The following SIGLEC5 variants were observed in gnomAD, a reference collection of about 807,000 sequenced individuals.
The protein encoded by SIGLEC5 is sialic acid-binding Ig-like lectin 5.
In SIGLEC5, 34 loss-of-function variants were observed where a neutral mutation model predicts 45.9. The observed-to-expected ratio is 0.74, with a 90% confidence interval of 0.56 to 0.99. The LOEUF is 0.99. Among genes scored for constraint, SIGLEC5 ranks in the 50% least tolerant of loss-of-function variants. The pLI, the probability that SIGLEC5 is intolerant of heterozygous loss-of-function variation, is 0.00. For synonymous variants in SIGLEC5, 203 were observed against 258.6 expected (o/e 0.79, Z 2.06); for missense variants, 508 against 629.6 (o/e 0.81, Z 2.07).
At chr19:51,612,924 G>A (rs1405466833) in intron 8 of SIGLEC5, among the ~76,000 whole-genome samples, 1 of 152,154 alleles carries the variant, frequency 6.6e-6, no homozygotes, top group African/African-American at 2.4e-5. Flanking sequence ...ATGAGCACTT[G>A]CGTCCTGGTC....
In SIGLEC5 at chr19:51,612,191, C is replaced by T; in HGVS notation, c.*40G>A. 1 of 1,510,142 alleles carries T rather than the reference C, an allele frequency of 6.6e-7. No individual in the cohort carries two copies. The highest frequency in any genetic ancestry group is 8.9e-7 in the Non-Finnish European group (1 of 1,118,554). 93.5% of individuals were successfully genotyped at this position (1,510,142 alleles called of 1,614,324 possible). On this transcript the variant is annotated 3_prime_UTR_variant, in exon 9 of 9. Transcript: ENST00000683636. ...TGACTTGTCCTTTCCCCCAGACAGG[C>T]TGTGGCTCCTCCAGCCAGGACTGAA... is the stretch of plus-strand genomic sequence containing the variant.
intron 8 of SIGLEC5, among the ~76,000 whole-genome samples, chr19:51,617,128 G>A (rs564781721): frequency 4.2e-4 from 63 of 150,926 alleles, no homozygotes; most frequent in Non-Finnish European, 7.2e-4. Flanking sequence ...GGTGGCGGGC[G>A]CCTGTAGTCC....
Position 51,629,075 on chromosome 19 carries a change from A to G in SIGLEC5, c.702T>C (p.Tyr234=). ...TGAAGATGGTGATGGTCTGTGGAGC[A>G]TCTGGGATAAAAAGATATAAACTTG... ...TERTVQLNVS[Y]APQTITIFRN... is the part of the protein sequence containing the mutation. The change falls in exon 4 of 9, where the codon TAT becomes TAC. Residue 234 remains tyrosine (Y), a splice_region_variant and synonymous_variant. Transcript: ENST00000683636. The G allele has an allele frequency of 2.5e-6, 4 of 1,613,928 alleles. No individual in the cohort carries two copies. Among genetic ancestry groups the G allele is most frequent in the Non-Finnish European group, 3.4e-6 (4 of 1,179,906 alleles).
At chr19:51,625,892 C>A in intron 8 of SIGLEC5, 140 bp downstream of exon 8, 1 of 676,672 alleles carries the variant, frequency 1.5e-6, no homozygotes, top group Non-Finnish European at 2.6e-6. Context: ...GATTTCCTGG[C>A]TCTGGGATAT....
At chr19:51,622,822 AT>A (rs1041130865) in intron 8 of SIGLEC5, among the ~76,000 whole-genome samples, 13 of 151,806 alleles carry the variant, frequency 8.6e-5, no homozygotes, top group African/African-American at 3.1e-4. Context: ...CATCAGTTCA[AT>A]TTTTTTTTAT....
chr19:51,612,561 T>C, intron 8 of SIGLEC5, 139 bp from the exon 9 acceptor site: 3 of 628,030 alleles, frequency 4.8e-6, no homozygotes, highest in Non-Finnish European at 5.3e-6. Flanking sequence ...CAGGGCTTAG[T>C]CACCTGGACA....
At chr19:51,624,785 A>G (rs1420146990) in intron 8 of SIGLEC5, among the ~76,000 whole-genome samples, 1 of 152,106 alleles carries the variant, frequency 6.6e-6, no homozygotes, top group Non-Finnish European at 1.5e-5. Context: ...CCTGGCCAAC[A>G]TGGTGAAACC....
In SIGLEC5 at chr19:51,629,430, T is replaced by A; in HGVS notation, c.628A>T (p.Asn210Tyr). 1 of 1,613,682 alleles carries A rather than the reference T, an allele frequency of 6.2e-7. No individual in the cohort carries two copies. The highest frequency in any genetic ancestry group is 8.5e-7 in the Non-Finnish European group (1 of 1,179,914). ...LTPRPEDHGT[N>Y]LTCQMKRQGA... ...TGGCGTTTCATCTGACAGGTGAGGT[T>A]GGTGCCATGGTCCTCGGGCCTGGGG... The change falls in exon 3 of 9, where the codon AAC becomes TAC. Residue 210 changes from asparagine (N) to tyrosine (Y), a missense_variant. Around this residue, in one of 2 missense-constraint regions of SIGLEC5, gnomAD observed 431 missense variants for 428.8 expected, o/e 1.01. Transcript: ENST00000683636.
At chr19:51,627,067 C>G (rs985687275) in intron 7 of SIGLEC5, 82 bp downstream of exon 7, 124 of 1,072,740 alleles carry the variant, frequency 1.2e-4, no homozygotes, top group Admixed American at 3.8e-4. Context: ...CCACCTCTGG[C>G]CTTAGCTCTG....
In SIGLEC5 at chr19:51,612,187, C is replaced by G. The variant is rs116211628; in HGVS notation, c.*44G>C. 1,455 of 1,489,976 alleles carry G rather than the reference C, an allele frequency of 9.8e-4. 8 individuals are homozygous for G. In the African/African-American group the frequency reaches 0.019, roughly 19 times the overall value. The allele number at this position is 1,489,976 out of a possible 1,614,324, so 92.3% of individuals were successfully genotyped here. On this transcript the variant is annotated 3_prime_UTR_variant, in exon 9 of 9. Coordinates refer to ENST00000683636, the MANE Select transcript of SIGLEC5 (RefSeq NM_003830.4). ...TCCCTGACTTGTCCTTTCCCCCAGA[C>G]AGGCTGTGGCTCCTCCAGCCAGGAC...
intron 8 of SIGLEC5, among the ~76,000 whole-genome samples, chr19:51,614,500 A>G (rs539898995): frequency 2.0e-5 from 3 of 152,236 alleles, no homozygotes; most frequent in African/African-American, 7.2e-5. Flanking sequence ...AAAAAAATAG[A>G]CTTTCTGGAG....
chr19:51,613,929 C>T (rs932259785), intron 8 of SIGLEC5, among the ~76,000 whole-genome samples: 1 of 152,078 alleles, frequency 6.6e-6, no homozygotes, highest in Non-Finnish European at 1.5e-5. Flanking sequence ...GCATAGGTTA[C>T]AAGGTGTCTT....
chr19:51,612,821 A>C (rs1982908606), intron 8 of SIGLEC5, among the ~76,000 whole-genome samples: 1 of 152,110 alleles, frequency 6.6e-6, no homozygotes, highest in Non-Finnish European at 1.5e-5. Flanking sequence ...TCCCTGTGGG[A>C]AGCCTGCTTA....
chr19:51,622,083 T>A (rs1048778744), intron 8 of SIGLEC5, among the ~76,000 whole-genome samples: 1 of 152,204 alleles, frequency 6.6e-6, no homozygotes, highest in African/African-American at 2.4e-5. Flanking sequence ...TTTTTTGGAA[T>A]TTGACAACCT....
At position 51,612,232 on chromosome 19, in the gene SIGLEC5, C is replaced by T. The variant is rs1334082854; in HGVS notation, c.1655G>A (p.Ter552=). 1 of 1,591,096 alleles carries T rather than the reference C, an allele frequency of 6.3e-7. No individual in the cohort carries two copies. The highest frequency in any genetic ancestry group is 2.3e-5 in the East Asian group (1 of 44,118). Residue 552 remains the stop codon, a stop_retained_variant, in exon 9 of 9, where the codon TGA becomes TAA. Transcript: ENST00000683636. ...TEYSEIKTSK[*] is the part of the protein sequence containing the mutation. ...CAGGACTGAACTCTGGGCAAATCCT[C>T]ACTTGCTTGTCTTGATCTCCGAGTA... is the stretch of plus-strand genomic sequence containing the variant.
intron 8 of SIGLEC5, among the ~76,000 whole-genome samples, chr19:51,625,801 G>GC (rs1337519460): frequency 6.6e-6 from 1 of 152,216 alleles, no homozygotes; most frequent in Non-Finnish European, 1.5e-5. Context: ...TTGCACTCCA[G>GC]CCTGGGTAAC....
intron 3 of SIGLEC5, 87 bp downstream of exon 3, chr19:51,629,271 T>C (rs868460494): frequency 7.6e-6 from 11 of 1,439,632 alleles, no homozygotes; most frequent in African/African-American, 3.0e-5. Context: ...CTGTCTTCCT[T>C]ACACACACAC....
chr19:51,624,993 C>G (rs1025559241), intron 8 of SIGLEC5, among the ~76,000 whole-genome samples: 1 of 151,812 alleles, frequency 6.6e-6, no homozygotes, highest in Non-Finnish European at 1.5e-5. Context: ...AAGAATTCTA[C>G]AGATATGATG....
At chr19:51,617,687 C>T (rs762073857) in intron 8 of SIGLEC5, among the ~76,000 whole-genome samples, 3 of 151,870 alleles carry the variant, frequency 2.0e-5, no homozygotes, top group African/African-American at 7.3e-5. Context: ...TGAAAACCCA[C>T]TGGGGGGAAG....
Sources: gnomAD v4.1 joint callset for allele counts (sites outside exome capture counted in the v4.1 genomes callset) on GRCh38, gnomAD v4.1.1 for gene constraint, gnomAD v4.1.1 regional missense constraint, MANE v1.5 for transcripts, NCBI Gene and HGNC (gene_info 2026-07-23, HGNC 2026-07-21) for gene names.